The following SPRED1 variants were observed in gnomAD, a reference collection of about 807,000 sequenced individuals.
The protein encoded by SPRED1 is sprouty related EVH1 domain containing 1, also known as sprouty-related, EVH1 domain-containing protein 1.
Under a neutral mutation model 52.3 loss-of-function variants are expected in SPRED1, and 18 were observed. That is an observed-to-expected ratio of 0.34 (90% confidence interval 0.24 to 0.51). SPRED1 has a LOEUF of 0.51. Among genes scored for constraint, SPRED1 ranks in the 20% least tolerant of loss-of-function variants. The pLI, the probability that SPRED1 is intolerant of heterozygous loss-of-function variation, is 0.97. For synonymous variants in SPRED1, 155 were observed against 179.7 expected, an observed-to-expected ratio of 0.86 and a Z score of 1.10; for missense variants, 485 against 551.0, an observed-to-expected ratio of 0.88 and a Z score of 1.20.
chr15:38,347,479 T>C (rs949613370), intron 5 of SPRED1, among the ~76,000 whole-genome samples: 9 of 149,964 alleles, frequency 6.0e-5, no homozygotes, highest in Non-Finnish European at 1.3e-4. Flanking sequence ...TTTTTTTTTT[T>C]TTTTTTCAAT....
chr15:38,313,259 C>A (rs572153163), intron 2 of SPRED1, among the ~76,000 whole-genome samples: 3 of 151,976 alleles, frequency 2.0e-5, no homozygotes, highest in South Asian at 4.1e-4. Flanking sequence ...AATTTTGTTT[C>A]TTCAGTATAA....
At chr15:38,324,656 C>A in intron 3 of SPRED1, 107 bp from the exon 4 acceptor site, 2 of 881,110 alleles carry the variant, frequency 2.3e-6, no homozygotes, top group Non-Finnish European at 3.6e-6. Flanking sequence ...CCAGAAAGAT[C>A]TCTGATTAGT....
intron 1 of SPRED1, among the ~76,000 whole-genome samples, chr15:38,279,119 C>T (rs1038902638): frequency 3.9e-5 from 6 of 152,222 alleles, no homozygotes; most frequent in African/African-American, 1.4e-4. Flanking sequence ...AGCCACCATG[C>T]CCAGCCTCCT....
At chr15:38,325,972 GC>G (rs923876825) in intron 4 of SPRED1, 2 of 152,162 alleles carry the variant, frequency 1.3e-5, no homozygotes, top group African/African-American at 4.8e-5. Context: ...AAAATGGAGT[GC>G]TGCTGTAACA....
Position 38,319,039 on chromosome 15 carries a change from TAGA to T in SPRED1, c.208-3198_208-3196del, listed in dbSNP as rs534867287. ...AGTTGAAAATATTAATTTTGTAAAA[TAGA>T]AGAGGGGGCTAATTCAGTAATATTT... On this transcript the variant is annotated intron_variant, in intron 2 of 6. Coordinates refer to ENST00000299084, the MANE Select transcript of SPRED1 (RefSeq NM_152594.3). Among the ~76,000 whole-genome samples the T allele has an allele frequency of 1.6e-4, 24 of 152,266 alleles. No individual in the cohort carries two copies. In the East Asian group the frequency reaches 4.2e-3, roughly 27 times the overall value.
At chr15:38,335,998 T>C (rs780949681) in intron 4 of SPRED1, among the ~76,000 whole-genome samples, 4 of 152,148 alleles carry the variant, frequency 2.6e-5, no homozygotes, top group Non-Finnish European at 5.9e-5. Flanking sequence ...AAATTAATCA[T>C]ACCACCAAGG....
chr15:38,310,084 G>A (rs1277393624), intron 2 of SPRED1, among the ~76,000 whole-genome samples: 1 of 143,706 alleles, frequency 7.0e-6, no homozygotes, highest in Admixed American at 7.1e-5. Context: ...TTCTGGGTCT[G>A]TGCTTTTCCA....
At chr15:38,318,803 T>C (rs1895542302) in intron 2 of SPRED1, among the ~76,000 whole-genome samples, 1 of 152,194 alleles carries the variant, frequency 6.6e-6, no homozygotes. Context: ...CCATGGTATA[T>C]GTTTTATAAG....
At chr15:38,294,607 T>A (rs900075084) in intron 1 of SPRED1, among the ~76,000 whole-genome samples, 4 of 152,104 alleles carry the variant, frequency 2.6e-5, no homozygotes, top group Non-Finnish European at 2.9e-5. Flanking sequence ...TGTATTATAA[T>A]AGAAAAGAAA....
chr15:38,282,607 A>T (rs769041362), intron 1 of SPRED1, among the ~76,000 whole-genome samples: 7 of 152,156 alleles, frequency 4.6e-5, no homozygotes, highest in Non-Finnish European at 1.0e-4. Flanking sequence ...AAAGCCACTG[A>T]TGTCGATGGA....
chr15:38,300,138 G>A (rs904712250), intron 2 of SPRED1, among the ~76,000 whole-genome samples: 8 of 152,100 alleles, frequency 5.3e-5, no homozygotes, highest in African/African-American at 1.7e-4. Context: ...CTTCCATGCA[G>A]ATGTGTGGTT....
chr15:38,338,604 A>G (rs746306385), intron 4 of SPRED1, among the ~76,000 whole-genome samples: 6 of 152,092 alleles, frequency 3.9e-5, no homozygotes, highest in Non-Finnish European at 8.8e-5. Flanking sequence ...TATATTTTTA[A>G]TAGTTCAATT....
chr15:38,310,898 TAGGA>T (rs1474978569), intron 2 of SPRED1, among the ~76,000 whole-genome samples: 1 of 152,192 alleles, frequency 6.6e-6, no homozygotes, highest in Non-Finnish European at 1.5e-5. Context: ...CATCTACAAA[TAGGA>T]AGGGATTTAT....
chr15:38,336,618 T>C (rs576870932), intron 4 of SPRED1, among the ~76,000 whole-genome samples: 1 of 151,462 alleles, frequency 6.6e-6, no homozygotes, highest in East Asian at 1.9e-4. Context: ...AGGAAAGAAA[T>C]AATGGCATTT....
At chr15:38,313,016 A>G (rs1916145) in intron 2 of SPRED1, among the ~76,000 whole-genome samples, 125,098 of 151,770 alleles carry the variant, frequency 0.82, 52,341 homozygotes, top group Non-Finnish European at 0.9. Context: ...TCCCTCTCCC[A>G]CACGCACACA....
chr15:38,323,445 C>T (rs541617724), intron 3 of SPRED1, among the ~76,000 whole-genome samples: 38 of 152,112 alleles, frequency 2.5e-4, no homozygotes, highest in African/African-American at 9.2e-4. Context: ...ATTAAAATCA[C>T]CTGGGAAGCT....
intron 5 of SPRED1, among the ~76,000 whole-genome samples, chr15:38,343,550 A>C (rs1487395350): frequency 1.3e-5 from 2 of 152,168 alleles, no homozygotes; most frequent in African/African-American, 2.4e-5. Context: ...TTAATTCGGC[A>C]TTGTGGGCCC....
chr15:38,302,347 C>T (rs144634563), intron 2 of SPRED1, among the ~76,000 whole-genome samples: 92 of 151,988 alleles, frequency 6.1e-4, no homozygotes, highest in African/African-American at 1.9e-3. Flanking sequence ...AGTCTTGTTA[C>T]GATTCCCAGA....
chr15:38,311,949 G>A (rs554166829), intron 2 of SPRED1, among the ~76,000 whole-genome samples: 1 of 151,978 alleles, frequency 6.6e-6, no homozygotes, highest in South Asian at 2.1e-4. Flanking sequence ...CCCTTCTTTA[G>A]TCTCTGGAGG....
Sources: gnomAD v4.1 joint callset for allele counts (sites outside exome capture counted in the v4.1 genomes callset) on GRCh38, gnomAD v4.1.1 for gene constraint, MANE v1.5 for transcripts, NCBI Gene and HGNC (gene_info 2026-07-23, HGNC 2026-07-21) for gene names.